LRP4: variants seen among roughly 807,000 people sequenced by gnomAD.
LRP4 encodes LDL receptor related protein 4.
A neutral mutation model predicts 220.3 loss-of-function variants in LRP4; 95 were observed. The observed-to-expected ratio is 0.43, with a 90% CI of 0.37 to 0.51. The LOEUF (loss-of-function observed/expected upper bound fraction) is 0.51. Among genes scored for constraint, LRP4 ranks in the 20% least tolerant of loss-of-function variants. LRP4 has a pLI of 0.00. For missense variants in LRP4, 1,925 were observed against 2,567.0 expected (o/e 0.75, Z 5.40); for synonymous variants, 903 against 954.6 (o/e 0.95, Z 1.00).
At chr11:46,882,961 C>T (rs1311743936) in intron 19 of LRP4, among the ~76,000 whole-genome samples, 3 of 152,114 alleles carry the variant, frequency 2.0e-5, no homozygotes, top group African/African-American at 4.8e-5. Context: ...AAAAAGTATG[C>T]TATTTTTGTA....
chr11:46,892,917 C>G (rs1284367747), intron 13 of LRP4, 56 bp downstream of exon 13: 1 of 1,597,204 alleles, frequency 6.3e-7, no homozygotes, highest in African/African-American at 1.3e-5. Flanking sequence ...TCCAGGTAGC[C>G]TGGGAGCTGT....
chr11:46,901,847 C>G (rs571327183), intron 2 of LRP4, among the ~76,000 whole-genome samples: 2 of 152,042 alleles, frequency 1.3e-5, no homozygotes, highest in African/African-American at 4.8e-5. Context: ...ATTCTCCTGC[C>G]TCAGCCTCCC....
rs1940429193 is a variant in LRP4, at chr11:46,858,185, G to A, written c.*798C>T. 6.5e-6 allele frequency: 1 copy of A among 152,684 alleles called. No homozygotes were observed. The highest frequency in any genetic ancestry group is 1.5e-5 in the Non-Finnish European group (1 of 68,480). The allele number at this position is 152,684 out of a possible 1,614,324, so 9.5% of individuals were successfully genotyped here. On this transcript the variant is annotated 3_prime_UTR_variant, in exon 38 of 38. Coordinates refer to ENST00000378623, the MANE Select transcript of LRP4 (RefSeq NM_002334.4). ...CCTGGTTAATTTGAGCAAAGACTTA[G>A]GAAAGGTACTGGCCAGTGGTGGCAC...
intron 10 of LRP4, 123 bp from the exon 11 acceptor site, chr11:46,895,414 T>C: frequency 7.2e-7 from 1 of 1,393,446 alleles, no homozygotes; most frequent in Non-Finnish European, 1.0e-6. Context: ...GGGAAGGCTG[T>C]CTAAGAAATG....
Position 46,899,717 on chromosome 11 carries a change from C to T in LRP4, c.430+146G>A. 1 of 814,836 alleles carries T rather than the reference C, an allele frequency of 1.2e-6. No homozygotes were observed. The highest frequency in any genetic ancestry group is 2.1e-6 in the Non-Finnish European group (1 of 473,238). 50.5% of individuals were successfully genotyped at this position (814,836 alleles called of 1,614,324 possible). A position where few individuals can be genotyped will look rare whatever the true frequency, so the allele number is the denominator to read the frequency against. On this transcript the variant is annotated intron_variant, in intron 4 of 37. Transcript: ENST00000378623. The surrounding 1 kb of genome is among the most constrained non-coding windows in gnomAD (Gnocchi z 5.9). ...CACAGTTTCTGGGGGGTCTGAGCGGCTCTGCCCCCTCTGCGTTCCTCTAGC... is the reference window on the plus strand; with the variant it reads ...CACAGTTTCTGGGGGGTCTGAGCGGTTCTGCCCCCTCTGCGTTCCTCTAGC...
intron 34 of LRP4, among the ~76,000 whole-genome samples, chr11:46,867,248 T>G (rs1018085481): frequency 1.3e-5 from 2 of 152,094 alleles, no homozygotes; most frequent in Non-Finnish European, 2.9e-5. Flanking sequence ...GGGGTGCACA[T>G]GACATTATAA....
At chr11:46,865,565 A>G (rs1940673743) in intron 34 of LRP4, among the ~76,000 whole-genome samples, 1 of 152,230 alleles carries the variant, frequency 6.6e-6, no homozygotes, top group Admixed American at 6.5e-5. Context: ...AATTATCACA[A>G]GAGCTAAATA....
In LRP4 at chr11:46,869,083, C is replaced by T. The variant is rs1355465373; in HGVS notation, c.4742G>A (p.Arg1581His). 5.0e-6 allele frequency: 8 copies of T among 1,614,060 alleles called. No homozygotes were observed. The highest frequency in any genetic ancestry group is 4.2e-6 in the Non-Finnish European group (5 of 1,180,036). ...GTTCCGGCCTGAGTATTTGTCAACA[C>T]GCTGGATTGACTTGGTCTGCCAGTC... is the stretch of plus-strand genomic sequence containing the variant. The part of the protein sequence containing the change: ...WTDWQTKSIQ[R>H]VDKYSGRNKE... The change falls in exon 32 of 38, where the codon CGT (arginine) becomes CAT (histidine). Residue 1581 changes from arginine (R) to histidine (H), a missense_variant. Arg to His is a conservative substitution (Grantham distance 29). Around this residue, in one of 3 missense-constraint regions of LRP4, gnomAD observed 1,244 missense variants for 1,624.9 expected, o/e 0.77. Transcript: ENST00000378623.
At position 46,886,030 on chromosome 11, in the gene LRP4, C is replaced by T; in HGVS notation, c.2506+61G>A. The T allele has an allele frequency of 2.8e-6, 4 of 1,414,256 alleles. No homozygotes were observed. The East Asian group carries it at 6.8e-5, about 24-fold the overall frequency. 87.6% of individuals were successfully genotyped at this position (1,414,256 alleles called of 1,614,324 possible). A position where few individuals can be genotyped will look rare whatever the true frequency, so the allele number is the denominator to read the frequency against. On this transcript the variant is annotated intron_variant, in intron 18 of 37. Transcript: ENST00000378623. The stretch of plus-strand genomic sequence containing the variant: ...ACACTGGGCTCCTTCTATCTGAGGC[C>T]AGGGTTTTAAACAAGAGGAATCCCA...
chr11:46,879,214 G>C lies in LRP4; in HGVS notation c.2916C>G (p.Asp972Glu). The C allele has an allele frequency of 6.2e-7, 1 of 1,614,242 alleles. No individual in the cohort carries two copies. The highest frequency in any genetic ancestry group is 8.5e-7 in the Non-Finnish European group (1 of 1,180,048). The change falls in exon 21 of 38, where the codon GAC becomes GAG. Residue 972 changes from aspartate (D) to glutamate (E), a missense_variant. Coordinates refer to ENST00000378623, the MANE Select transcript of LRP4 (RefSeq NM_002334.4). ...TCTCCCGGTCCAGCCCTGTCAGCCG[G>C]TCAGCGCTCTGTATGCTCTTGGTCT... ...DWQTKSIQSA[D>E]RLTGLDRETL...
intron 7 of LRP4, among the ~76,000 whole-genome samples, chr11:46,897,937 C>G (rs1384857249): frequency 6.6e-6 from 1 of 152,144 alleles, no homozygotes. Flanking sequence ...TCCTCACTTC[C>G]CAGTAGGGGC....
chr11:46,887,427 G>T (rs561510032), intron 16 of LRP4, among the ~76,000 whole-genome samples: 17 of 152,310 alleles, frequency 1.1e-4, no homozygotes, highest in Admixed American at 9.2e-4. Flanking sequence ...GGCCAGGCAT[G>T]GTGGCTCATG....
In LRP4 at chr11:46,876,471, C is replaced by T. The variant is rs1289900412; in HGVS notation, c.3531G>A (p.Glu1177=). ...DSPRAIVLYH[E]MGFMYWTDWG... The stretch of plus-strand genomic sequence containing the variant: ...GCGATACAGCCAGCTCTCACCCCAT[C>T]TCATGGTACAGTACGATGGCCCGGG... The change falls in exon 25 of 38, where the codon GAG becomes GAA. Residue 1177 remains glutamate (E), a synonymous_variant. Transcript: ENST00000378623. 2 of 1,614,222 alleles carry T rather than the reference C, an allele frequency of 1.2e-6. No homozygotes were observed.
At chr11:46,876,868 C>A (rs371544346) in intron 23 of LRP4, 38 bp from the exon 24 acceptor site, 1 of 1,480,434 alleles carries the variant, frequency 6.8e-7, no homozygotes. Context: ...AGACCCTCAC[C>A]GCCTACAATG....
Position 46,883,921 on chromosome 11 carries a change from G to C in LRP4, c.2562C>G (p.Ile854Met). The C allele has an allele frequency of 6.2e-7, 1 of 1,614,228 alleles. No individual in the cohort carries two copies. The highest frequency in any genetic ancestry group is 1.1e-5 in the South Asian group (1 of 91,090). ...CCCGAGGACGATCAAGGTTCTCCCA[G>C]ATGAGTACTGTTCTCATGCTGCCAT... The part of the protein sequence containing the change: ...NTDGSMRTVL[I>M]WENLDRPRDI... The change falls in exon 19 of 38, where the codon ATC becomes ATG. Residue 854 changes from isoleucine (I) to methionine (M), a missense_variant. Ile to Met is a conservative substitution (Grantham distance 10). Coordinates refer to ENST00000378623, the MANE Select transcript of LRP4 (RefSeq NM_002334.4).
Position 46,891,745 on chromosome 11 carries a change from AG to A in LRP4, c.1697+1227del, listed in dbSNP as rs550740700. Among the ~76,000 whole-genome samples, 21 of 152,118 alleles carry A rather than the reference AG, an allele frequency of 1.4e-4. No individual in the cohort carries two copies. In the East Asian group the frequency reaches 3.7e-3, roughly 27 times the overall value. On this transcript the variant is annotated intron_variant, in intron 13 of 37. Coordinates refer to ENST00000378623, the MANE Select transcript of LRP4 (RefSeq NM_002334.4). The stretch of plus-strand genomic sequence containing the variant: ...ATCCTCCTACCTCAGCCTCCTGTGT[AG>A]TTGGGACTACAGGCATGCATCAATA...
rs764542360 is a variant in LRP4 at position 46,905,848 on chromosome 11, G to A, written c.53-2919C>T. Among the ~76,000 whole-genome samples, 16 of 141,804 alleles carry A rather than the reference G, an allele frequency of 1.1e-4. No individual in the cohort carries two copies. The East Asian group carries it at 2.2e-3, about 20-fold the overall frequency. The allele number at this position is 141,804 out of a possible 152,430, so 93.0% of individuals were successfully genotyped here. A position where few individuals can be genotyped will look rare whatever the true frequency, so the allele number is the denominator to read the frequency against. ...ACCTGGGCAACAGGAGCGAAACTCC[G>A]TCTCAAAAAAAAAAAAAAAAATCTA... On this transcript the variant is annotated intron_variant, in intron 1 of 37. Transcript: ENST00000378623.
At chr11:46,876,054 T>G in intron 25 of LRP4, 88 bp from the exon 26 acceptor site, 1 of 1,449,378 alleles carries the variant, frequency 6.9e-7, no homozygotes, top group East Asian at 2.3e-5. Flanking sequence ...TCAGATACAC[T>G]TGAGTACTTA....
intron 34 of LRP4, 73 bp downstream of exon 34, chr11:46,867,906 C>A: frequency 6.3e-7 from 1 of 1,586,140 alleles, no homozygotes; most frequent in Non-Finnish European, 8.6e-7. Context: ...CCTTATCAAG[C>A]TGGGACTATG....
Sources: allele counts gnomAD v4.1 joint callset (sites outside exome capture counted in the v4.1 genomes callset), GRCh38; gene constraint gnomAD v4.1.1; regional missense constraint gnomAD v4.1.1; non-coding constraint Gnocchi (gnomAD v3.1); transcripts MANE v1.5; gene names NCBI Gene and HGNC (gene_info 2026-07-23, HGNC 2026-07-21).